The following ALK variants were observed in gnomAD, a reference collection of about 807,000 sequenced individuals.
ALK encodes the protein ALK tyrosine kinase receptor.
Under a neutral mutation model 163.1 loss-of-function variants are expected in ALK, and 74 were observed. That is an observed-to-expected ratio of 0.45 (90% CI 0.38 to 0.55). The LOEUF (loss-of-function observed/expected upper bound fraction) is 0.55, where lower values mean the gene tolerates loss of function less well. ALK is among the 20% of genes least tolerant of loss of function. The probability of loss-of-function intolerance (pLI) is 0.00; values close to 1 mark genes in which losing one functional copy is unlikely to be tolerated. For missense variants in ALK, 2,063 were observed against 2,105.3 expected (o/e 0.98, Z 0.39); for synonymous variants, 960 against 843.2 (o/e 1.14, Z -2.40).
At chr2:29,405,460 CAT>C (rs1434996123) in intron 4 of ALK, among the ~76,000 whole-genome samples, 1 of 152,142 alleles carries the variant, frequency 6.6e-6, no homozygotes, top group African/African-American at 2.4e-5. Flanking sequence ...GTGGGTGGAA[CAT>C]GTTTCATGCT....
chr2:29,637,653 G>A (rs1385517995), intron 3 of ALK, among the ~76,000 whole-genome samples: 1 of 139,990 alleles, frequency 7.1e-6, no homozygotes. Context: ...AGGTTGCAGT[G>A]AGCCGACATT....
intron 4 of ALK, among the ~76,000 whole-genome samples, chr2:29,500,345 C>T (rs1335355700): frequency 6.6e-6 from 1 of 152,116 alleles, no homozygotes; most frequent in African/African-American, 2.4e-5. Flanking sequence ...ACCGCTCTTG[C>T]TCTTGCTCCA....
At chr2:29,417,873 A>G (rs1237534291) in intron 4 of ALK, among the ~76,000 whole-genome samples, 1 of 152,194 alleles carries the variant, frequency 6.6e-6, no homozygotes, top group African/African-American at 2.4e-5. Flanking sequence ...CATGCTTTAG[A>G]CCCGAACGCA....
intron 4 of ALK, among the ~76,000 whole-genome samples, chr2:29,526,133 G>A (rs974801888): frequency 6.6e-6 from 1 of 152,098 alleles, no homozygotes; most frequent in African/African-American, 2.4e-5. Flanking sequence ...AGAGGAGAGT[G>A]TCCCTTAGAC....
intron 4 of ALK, among the ~76,000 whole-genome samples, chr2:29,442,124 T>TCTC (rs10639394): frequency 0.84 from 127,987 of 151,668 alleles, 54,701 homozygotes; most frequent in Non-Finnish European, 0.93. Context: ...TACCCTCTGG[T>TCTC]CTCCGGCAGC....
intron 4 of ALK, among the ~76,000 whole-genome samples, chr2:29,467,176 G>A (rs148150150): frequency 1.3e-5 from 2 of 151,540 alleles, no homozygotes; most frequent in African/African-American, 4.9e-5. Context: ...GGGATCATGA[G>A]GACCAAGAGC....
intron 24 of ALK, among the ~76,000 whole-genome samples, chr2:29,211,146 A>T (rs1669456200): frequency 6.6e-6 from 1 of 152,202 alleles, no homozygotes; most frequent in East Asian, 1.9e-4. Flanking sequence ...ATTGGGGATC[A>T]TGACTGAGGG....
chr2:29,830,017 A>G (rs1163857075), intron 1 of ALK, among the ~76,000 whole-genome samples: 1 of 152,060 alleles, frequency 6.6e-6, no homozygotes, highest in Non-Finnish European at 1.5e-5. Context: ...ATCCTTCATC[A>G]CTCCCTTGGC....
intron 1 of ALK, chr2:29,907,222 CCT>C (rs945081729): frequency 1.2e-4 from 19 of 152,106 alleles, no homozygotes; most frequent in African/African-American, 3.9e-4. Context: ...ATACAATTAT[CCT>C]CTCTCTTTCA....
intron 5 of ALK, among the ~76,000 whole-genome samples, chr2:29,356,172 C>T (rs898876307): frequency 6.6e-6 from 1 of 152,140 alleles, no homozygotes; most frequent in African/African-American, 2.4e-5. Context: ...GTGTCTGTTC[C>T]GCAGAGCAAT....
At chr2:29,875,263 G>A (rs773536900) in intron 1 of ALK, among the ~76,000 whole-genome samples, 3 of 152,140 alleles carry the variant, frequency 2.0e-5, no homozygotes, top group Non-Finnish European at 4.4e-5. Flanking sequence ...TGGGGGAATG[G>A]GGAGTCATTG....
At chr2:29,236,158 C>T (rs975007521) in intron 13 of ALK, among the ~76,000 whole-genome samples, 4 of 151,982 alleles carry the variant, frequency 2.6e-5, no homozygotes, top group Non-Finnish European at 5.9e-5. Flanking sequence ...GGGTTCTTGA[C>T]AGCTCTGTTG....
At chr2:29,502,081 A>G (rs1210227550) in intron 4 of ALK, among the ~76,000 whole-genome samples, 1 of 152,188 alleles carries the variant, frequency 6.6e-6, no homozygotes, top group Non-Finnish European at 1.5e-5. Context: ...GACACTTACC[A>G]TTTAACAAAT....
intron 4 of ALK, among the ~76,000 whole-genome samples, chr2:29,516,171 T>C (rs1046077568): frequency 1.7e-4 from 26 of 152,196 alleles, no homozygotes; most frequent in Non-Finnish European, 2.9e-5. Flanking sequence ...ATGTCTCTCC[T>C]CTTAGTGGTT....
At chr2:29,392,625 C>G (rs1669201859) in intron 4 of ALK, among the ~76,000 whole-genome samples, 1 of 152,192 alleles carries the variant, frequency 6.6e-6, no homozygotes, top group Non-Finnish European at 1.5e-5. Flanking sequence ...TTTCTTCATT[C>G]TGTGTACCAG....
chr2:29,614,579 T>C (rs79407877), intron 3 of ALK, among the ~76,000 whole-genome samples: 3,453 of 152,322 alleles, frequency 0.023, 128 homozygotes, highest in African/African-American at 0.079. Flanking sequence ...ATCAGGCTCA[T>C]CTGAGCCCCA....
intron 3 of ALK, 128 bp from the exon 4 acceptor site, chr2:29,532,244 C>G: frequency 1.2e-6 from 1 of 852,830 alleles, no homozygotes; most frequent in South Asian, 1.4e-5. Flanking sequence ...TCCTTCTCTG[C>G]ATGCACCCAG....
At chr2:29,239,026 TA>T (rs1448802718) in intron 13 of ALK, among the ~76,000 whole-genome samples, 1 of 152,254 alleles carries the variant, frequency 6.6e-6, no homozygotes, top group Non-Finnish European at 1.5e-5. Flanking sequence ...TTTAATGGCT[TA>T]ATATATTATA....
intron 4 of ALK, among the ~76,000 whole-genome samples, chr2:29,451,844 C>T (rs1227139354): frequency 1.3e-5 from 2 of 152,172 alleles, no homozygotes; most frequent in African/African-American, 2.4e-5. Context: ...CCAGAAAACA[C>T]ACGCAGCCAC....
Sources: gnomAD v4.1 joint callset for allele counts (sites outside exome capture counted in the v4.1 genomes callset) on GRCh38, gnomAD v4.1.1 for gene constraint, MANE v1.5 for transcripts, NCBI Gene and HGNC (gene_info 2026-07-23, HGNC 2026-07-21) for gene names.